The following CAMKMT variants were observed in gnomAD, a reference collection of about 807,000 sequenced individuals.
CAMKMT encodes the protein calmodulin-lysine N-methyltransferase.
CAMKMT carries 53 observed loss-of-function variants against 48.0 expected under a neutral mutation model. The observed-to-expected ratio is 1.10, with a 90% CI of 0.89 to 1.39. CAMKMT has a LOEUF of 1.39. CAMKMT is among the 40% of genes most tolerant of loss of function. CAMKMT has a pLI of 0.00. For synonymous variants in CAMKMT, 165 were observed against 152.3 expected (o/e 1.08, Z -0.61); for missense variants, 428 against 402.7 (o/e 1.06, Z -0.54).
At chr2:44,658,180 C>T (rs543964209) in intron 3 of CAMKMT, among the ~76,000 whole-genome samples, 20 of 152,294 alleles carry the variant, frequency 1.3e-4, no homozygotes, top group African/African-American at 4.1e-4. Flanking sequence ...TGATTCTACA[C>T]GTAGGAGTGA....
intron 7 of CAMKMT, among the ~76,000 whole-genome samples, chr2:44,732,301 T>A (rs904543495): frequency 6.6e-6 from 1 of 152,228 alleles, no homozygotes; most frequent in African/African-American, 2.4e-5. Flanking sequence ...ATTGATTTTG[T>A]AATGTTTCTG....
At chr2:44,513,603 G>C (rs185070634) in intron 3 of CAMKMT, among the ~76,000 whole-genome samples, 1 of 152,110 alleles carries the variant, frequency 6.6e-6, no homozygotes, top group East Asian at 1.9e-4. Flanking sequence ...AGCTCCTCTC[G>C]GGACCATAGG....
chr2:44,420,613 G>T (rs575966130), intron 3 of CAMKMT, among the ~76,000 whole-genome samples: 4 of 151,866 alleles, frequency 2.6e-5, no homozygotes, highest in Admixed American at 2.6e-4. Flanking sequence ...AACTGTCCAG[G>T]AGTCAACTGT....
At chr2:44,499,808 G>A (rs1037707302) in intron 3 of CAMKMT, among the ~76,000 whole-genome samples, 1 of 152,164 alleles carries the variant, frequency 6.6e-6, no homozygotes, top group Non-Finnish European at 1.5e-5. Context: ...TGGCACAATA[G>A]CACTGAGTAA....
At chr2:44,554,082 A>G (rs1279568477) in intron 3 of CAMKMT, among the ~76,000 whole-genome samples, 1 of 152,196 alleles carries the variant, frequency 6.6e-6, no homozygotes, top group Non-Finnish European at 1.5e-5. Context: ...TGCTTTATCC[A>G]TTATGACCTT....
intron 3 of CAMKMT, among the ~76,000 whole-genome samples, chr2:44,669,909 A>G (rs2104121186): frequency 6.6e-6 from 1 of 152,330 alleles, no homozygotes; most frequent in East Asian, 1.9e-4. Flanking sequence ...AAGTGCCAGG[A>G]TTACAGGTGT....
intron 2 of CAMKMT, among the ~76,000 whole-genome samples, chr2:44,386,647 A>G (rs2104402866): frequency 6.6e-6 from 1 of 152,188 alleles, no homozygotes; most frequent in East Asian, 1.9e-4. Flanking sequence ...TGATGTAGGC[A>G]TTTAGGGCTA....
At chr2:44,545,897 A>G (rs1447825800) in intron 3 of CAMKMT, among the ~76,000 whole-genome samples, 2 of 152,070 alleles carry the variant, frequency 1.3e-5, no homozygotes, top group East Asian at 1.9e-4. Flanking sequence ...CTCATTTAAA[A>G]CAAGTCTACA....
intron 2 of CAMKMT, 61 bp downstream of exon 2, chr2:44,372,949 A>G (rs1255411020): frequency 5.8e-6 from 8 of 1,383,132 alleles, no homozygotes; most frequent in South Asian, 2.6e-5. Flanking sequence ...AAGAAAAACA[A>G]TCTAATAAGA....
chr2:44,656,952 A>C (rs180740861), intron 3 of CAMKMT, among the ~76,000 whole-genome samples: 1 of 152,344 alleles, frequency 6.6e-6, no homozygotes, highest in East Asian at 1.9e-4. Context: ...CAGGGCCACA[A>C]GTGCTCTCAA....
intron 2 of CAMKMT, among the ~76,000 whole-genome samples, chr2:44,382,755 A>C (rs1012906446): frequency 6.6e-6 from 1 of 152,228 alleles, no homozygotes; most frequent in Non-Finnish European, 1.5e-5. Context: ...CTGGGATTAC[A>C]GGCGTGAGCC....
chr2:44,435,304 T>A (rs143653889), intron 3 of CAMKMT, among the ~76,000 whole-genome samples: 52 of 152,292 alleles, frequency 3.4e-4, no homozygotes, highest in African/African-American at 1.1e-3. Flanking sequence ...AGTGCTGTCC[T>A]CAGATCATTG....
At chr2:44,475,134 T>C (rs983138815) in intron 3 of CAMKMT, among the ~76,000 whole-genome samples, 1 of 152,238 alleles carries the variant, frequency 6.6e-6, no homozygotes, top group African/African-American at 2.4e-5. Context: ...ATTTCTTTTG[T>C]ATCCTCTTGA....
intron 3 of CAMKMT, among the ~76,000 whole-genome samples, chr2:44,391,037 A>T: frequency 6.6e-6 from 1 of 152,190 alleles, no homozygotes; most frequent in East Asian, 1.9e-4. Flanking sequence ...GTGAATTGTC[A>T]ATGAAATATG....
At chr2:44,391,069 G>A (rs769971597) in intron 3 of CAMKMT, among the ~76,000 whole-genome samples, 3 of 152,120 alleles carry the variant, frequency 2.0e-5, no homozygotes, top group Non-Finnish European at 2.9e-5. Context: ...TGTAAAAATA[G>A]TACTCATACT....
intron 3 of CAMKMT, among the ~76,000 whole-genome samples, chr2:44,678,052 G>GA (rs199636228): frequency 8.3e-5 from 12 of 145,318 alleles, no homozygotes; most frequent in South Asian, 2.2e-4. Context: ...TTTTCAATAA[G>GA]AAAAAAAAAA....
chr2:44,765,603 A>G (rs1221288900), intron 9 of CAMKMT, among the ~76,000 whole-genome samples: 1 of 151,874 alleles, frequency 6.6e-6, no homozygotes, highest in African/African-American at 2.4e-5. Context: ...ATCCGCATGC[A>G]TCCAATAGTT....
chr2:44,413,665 A>T (rs1042427949), intron 3 of CAMKMT, among the ~76,000 whole-genome samples: 19 of 151,544 alleles, frequency 1.3e-4, no homozygotes, highest in South Asian at 6.2e-4. Flanking sequence ...AAAAAAAAAA[A>T]GAAAAGAAAA....
At chr2:44,470,647 A>G (rs112162479) in intron 3 of CAMKMT, among the ~76,000 whole-genome samples, 9 of 152,194 alleles carry the variant, frequency 5.9e-5, no homozygotes, top group African/African-American at 1.2e-4. Context: ...GAATTTTGCT[A>G]TACATTAATA....
Sources: allele counts gnomAD v4.1 joint callset (sites outside exome capture counted in the v4.1 genomes callset), GRCh38; gene constraint gnomAD v4.1.1; transcripts MANE v1.5; gene names NCBI Gene and HGNC (gene_info 2026-07-23, HGNC 2026-07-21).